Variants in STK39 observed in about 807,000 individuals in gnomAD.
STK39 encodes STE20/SPS1-related proline-alanine-rich protein kinase.
Under a neutral mutation model 77.8 loss-of-function variants are expected in STK39, and 20 were observed. That is an observed-to-expected ratio of 0.26 (90% CI 0.18 to 0.37). The LOEUF (loss-of-function observed/expected upper bound fraction) is 0.37. Ranked by LOEUF, STK39 falls within the 10% of genes least tolerant of loss-of-function variation. The pLI is 1.00. For missense variants in STK39, 479 were observed against 656.5 expected (o/e 0.73, Z 2.95); for synonymous variants, 246 against 234.1 (o/e 1.05, Z -0.47).
At chr2:168,032,100 T>G (rs1684845186) in intron 14 of STK39, among the ~76,000 whole-genome samples, 1 of 152,236 alleles carries the variant, frequency 6.6e-6, no homozygotes, top group African/African-American at 2.4e-5. Flanking sequence ...AAAACCCTTG[T>G]GCTTATTCAT....
rs547515198 is a variant in STK39, at chr2:168,063,681, T to A, written c.1306-111A>T. On this transcript the variant is annotated intron_variant, in intron 13 of 17. Coordinates refer to ENST00000355999, the MANE Select transcript of STK39 (RefSeq NM_013233.3). The stretch of plus-strand genomic sequence containing the variant: ...CATTTCTTTCTGGAAATTTCAAAAC[T>A]AGATCTTTACACACGCAGGCCTTCT... 9.7e-5 allele frequency: 98 copies of A among 1,012,938 alleles called. No homozygotes were observed. In the South Asian group the frequency reaches 1.5e-3, roughly 15 times the overall value. The allele number at this position is 1,012,938 out of a possible 1,614,324, so 62.7% of individuals were successfully genotyped here. A position where few individuals can be genotyped will look rare whatever the true frequency, so the allele number is the denominator to read the frequency against.
At chr2:168,050,719 T>G (rs1292254694) in intron 14 of STK39, among the ~76,000 whole-genome samples, 2 of 152,202 alleles carry the variant, frequency 1.3e-5, no homozygotes, top group East Asian at 3.9e-4. Flanking sequence ...ACACCTTGAT[T>G]TTAGCCCGCT....
At chr2:168,224,239 ACT>A (rs1690250860) in intron 1 of STK39, among the ~76,000 whole-genome samples, 1 of 152,166 alleles carries the variant, frequency 6.6e-6, no homozygotes, top group Non-Finnish European at 1.5e-5. Flanking sequence ...TTCTTAGAGC[ACT>A]GTTATGCTAC....
intron 16 of STK39, among the ~76,000 whole-genome samples, chr2:167,969,721 AC>A (rs1692275514): frequency 6.6e-6 from 1 of 152,140 alleles, no homozygotes; most frequent in Non-Finnish European, 1.5e-5. Context: ...CCAACTTGCC[AC>A]TAGACTCGTC....
At chr2:168,204,274 C>A (rs533556001) in intron 1 of STK39, among the ~76,000 whole-genome samples, 7 of 152,164 alleles carry the variant, frequency 4.6e-5, no homozygotes, top group Admixed American at 3.3e-4. Flanking sequence ...CTTAAGGCAC[C>A]TTTAAAAGGA....
chr2:168,188,342 C>A (rs1010243314), intron 1 of STK39, among the ~76,000 whole-genome samples: 1 of 152,158 alleles, frequency 6.6e-6, no homozygotes, highest in Non-Finnish European at 1.5e-5. Context: ...CATCTGAGAT[C>A]GCTGACCTGG....
At chr2:167,969,090 G>A (rs1481681869) in intron 16 of STK39, among the ~76,000 whole-genome samples, 1 of 152,160 alleles carries the variant, frequency 6.6e-6, no homozygotes, top group African/African-American at 2.4e-5. Context: ...ATTGGTCATT[G>A]GTGAAATGAA....
chr2:168,008,093 C>G (rs532646979), intron 16 of STK39, among the ~76,000 whole-genome samples: 8 of 152,266 alleles, frequency 5.3e-5, no homozygotes, highest in African/African-American at 1.9e-4. Flanking sequence ...CTTTCTGACT[C>G]CATGGATTTG....
chr2:168,162,519 C>T (rs1427733284), intron 4 of STK39, among the ~76,000 whole-genome samples: 1 of 152,050 alleles, frequency 6.6e-6, no homozygotes, highest in Non-Finnish European at 1.5e-5. Flanking sequence ...CTATGTAAAG[C>T]TCCTCTACTT....
intron 1 of STK39, among the ~76,000 whole-genome samples, chr2:168,194,352 A>C (rs913295103): frequency 6.6e-6 from 1 of 152,156 alleles, no homozygotes; most frequent in Non-Finnish European, 1.5e-5. Flanking sequence ...CTTGGGTGGC[A>C]GAGGTTGCAG....
At chr2:168,227,659 A>G (rs1223900318) in intron 1 of STK39, among the ~76,000 whole-genome samples, 5 of 152,160 alleles carry the variant, frequency 3.3e-5, no homozygotes, top group Non-Finnish European at 7.3e-5. Flanking sequence ...ACTTTTTGTA[A>G]AACAATTTTT....
intron 2 of STK39, among the ~76,000 whole-genome samples, chr2:168,178,241 G>A (rs1574530594): frequency 6.6e-6 from 1 of 152,276 alleles, no homozygotes; most frequent in East Asian, 1.9e-4. Flanking sequence ...CATCTATGTT[G>A]GCACAGTAAG....
chr2:168,124,548 T>A (rs1045861400), intron 10 of STK39, among the ~76,000 whole-genome samples: 18 of 152,060 alleles, frequency 1.2e-4, no homozygotes, highest in African/African-American at 4.3e-4. Flanking sequence ...TACAGGCAAG[T>A]GTCACCACGC....
intron 16 of STK39, among the ~76,000 whole-genome samples, chr2:167,983,263 T>A (rs1342660978): frequency 6.6e-6 from 1 of 151,958 alleles, no homozygotes; most frequent in Non-Finnish European, 1.5e-5. Context: ...GTGGATCACC[T>A]GAGGTCAGAA....
intron 16 of STK39, among the ~76,000 whole-genome samples, chr2:168,004,997 CTTTTTTTTTTTTT>C (rs10563812): frequency 2.6e-5 from 2 of 77,540 alleles, no homozygotes. Context: ...AGAAGGCCCT[CTTTTTTTTTTTTT>C]TTTTTTTTTT....
At chr2:168,096,404 C>T (rs1424893265) in intron 10 of STK39, among the ~76,000 whole-genome samples, 1 of 152,158 alleles carries the variant, frequency 6.6e-6, no homozygotes, top group African/African-American at 2.4e-5. Context: ...GGTGATAATA[C>T]CTACCTCATC....
intron 3 of STK39, among the ~76,000 whole-genome samples, chr2:168,165,501 G>A (rs1372795619): frequency 3.3e-5 from 5 of 152,194 alleles, no homozygotes; most frequent in East Asian, 1.9e-4. Context: ...TTGGCAAAGC[G>A]CAAGTTCCTC....
At chr2:168,062,623 G>A (rs1353804539) in intron 14 of STK39, among the ~76,000 whole-genome samples, 1 of 152,126 alleles carries the variant, frequency 6.6e-6, no homozygotes, top group Non-Finnish European at 1.5e-5. Flanking sequence ...CTAACCTTAA[G>A]GATGAGCCCA....
At chr2:167,959,482 T>C (rs3821) in intron 17 of STK39, among the ~76,000 whole-genome samples, 49,978 of 151,248 alleles carry the variant, frequency 0.33, 8,998 homozygotes, top group Non-Finnish European at 0.4. Context: ...CTGAAAAAAA[T>C]GTCTGCCAAA....
Sources: gnomAD v4.1 joint callset for allele counts (sites outside exome capture counted in the v4.1 genomes callset) on GRCh38, gnomAD v4.1.1 for gene constraint, MANE v1.5 for transcripts, NCBI Gene and HGNC (gene_info 2026-07-23, HGNC 2026-07-21) for gene names.